The following LPIN1 variants were observed in gnomAD, a reference collection of about 807,000 sequenced individuals.
LPIN1 encodes the protein lipin 1.
A neutral mutation model predicts 107.5 loss-of-function variants in LPIN1; 71 were observed. The observed-to-expected ratio is 0.66, with a 90% CI of 0.55 to 0.80. The LOEUF is 0.80. Among genes scored for constraint, LPIN1 ranks in the 30% least tolerant of loss-of-function variants. The pLI is 0.00. For synonymous variants in LPIN1, 445 were observed against 452.6 expected, an observed-to-expected ratio of 0.98 and a Z score of 0.21; for missense variants, 1,043 against 1,160.6, an observed-to-expected ratio of 0.90 and a Z score of 1.47.
In LPIN1 at chr2:11,789,081, T is replaced by G. The variant is rs547676496; in HGVS notation, c.1713+625T>G. ...CTGGAGTTGTTAATTTTTTCAATGA[T>G]AGATCTTCCTGCTAGATTATACGTT... On this transcript the variant is annotated intron_variant, in intron 12 of 20. Coordinates refer to ENST00000674199, the MANE Select transcript of LPIN1 (RefSeq NM_001349206.2). 2.0e-5 allele frequency among the ~76,000 whole-genome samples: 3 copies of G among 152,386 alleles called. No homozygotes were observed. The South Asian group carries it at 6.2e-4, about 32-fold the overall frequency.
At chr2:11,802,845 G>T in intron 14 of LPIN1, 62 bp from the exon 15 acceptor site, 1 of 1,593,618 alleles carries the variant, frequency 6.3e-7, no homozygotes, top group Non-Finnish European at 8.6e-7. Flanking sequence ...AAAGGCTAAT[G>T]CATTTTTCAT....
At chr2:11,714,509 G>A (rs373843139) in intron 2 of LPIN1, among the ~76,000 whole-genome samples, 70 of 152,306 alleles carry the variant, frequency 4.6e-4, no homozygotes, top group African/African-American at 1.6e-3. Flanking sequence ...CCCACTCCCA[G>A]AGGTGGTCCC....
At position 11,729,606 on chromosome 2, in the gene LPIN1, T is replaced by G. The variant is rs576060818; in HGVS notation, c.-72+5067T>G. Among the ~76,000 whole-genome samples the G allele has an allele frequency of 3.6e-4, 55 of 152,360 alleles. 1 individual carries two copies. The highest frequency in any genetic ancestry group is 9.8e-4 in the Admixed American group (15 of 15,304). ...GTTATATCTTGTCCACAGCTGCTTT[T>G]GCACTATAATTAATGGCAGAGTAGA... On this transcript the variant is annotated intron_variant, in intron 1 of 21. Coordinates refer to the LPIN1 transcript ENST00000396097.
At chr2:11,756,471 C>T (rs1668706580) in intron 1 of LPIN1, among the ~76,000 whole-genome samples, 1 of 152,172 alleles carries the variant, frequency 6.6e-6, no homozygotes, top group African/African-American at 2.4e-5. Flanking sequence ...CCATTGCAAC[C>T]TCTGCCTCCT....
intron 1 of LPIN1, among the ~76,000 whole-genome samples, chr2:11,712,939 G>A (rs1263282728): frequency 6.6e-6 from 1 of 152,220 alleles, no homozygotes; most frequent in Non-Finnish European, 1.5e-5. Context: ...CCTGAATTGG[G>A]CTTTGCCCTT....
chr2:11,766,753 CA>C (rs769453105), intron 2 of LPIN1, among the ~76,000 whole-genome samples: 24 of 132,914 alleles, frequency 1.8e-4, no homozygotes, highest in Non-Finnish European at 2.8e-4. Context: ...GGGCTCTTAT[CA>C]GGCAAAAAAC....
chr2:11,743,407 A>T (rs1178438141), upstream of LPIN1, among the ~76,000 whole-genome samples: 1 of 152,134 alleles, frequency 6.6e-6, no homozygotes, highest in Non-Finnish European at 1.5e-5. This position sits in a 1 kb window ranked among gnomAD's most constrained non-coding sequence, Gnocchi z 4.7. Flanking sequence ...CTTCCCCATG[A>T]AACTTCCCTG....
intron 1 of LPIN1, among the ~76,000 whole-genome samples, chr2:11,762,430 G>C (rs1346542493): frequency 6.6e-6 from 1 of 151,892 alleles, no homozygotes; most frequent in Non-Finnish European, 1.5e-5. Context: ...CTGGAGGTTG[G>C]GGGTGGGGTG....
chr2:11,814,512 ATGTGTGTG>A lies in LPIN1; in HGVS notation c.2250-545_2250-538del, dbSNP rs71394769. Among the ~76,000 whole-genome samples, 735 of 138,526 alleles carry A rather than the reference ATGTGTGTG, an allele frequency of 5.3e-3. 1 individual carries two copies. Among genetic ancestry groups the A allele is most frequent in the African/African-American group, 0.018 (670 of 37,084 alleles). 90.9% of individuals were successfully genotyped at this position (138,526 alleles called of 152,430 possible). A position where few individuals can be genotyped will look rare whatever the true frequency, so the allele number is the denominator to read the frequency against. On this transcript the variant is annotated intron_variant, in intron 17 of 20. Coordinates refer to ENST00000674199, the MANE Select transcript of LPIN1 (RefSeq NM_001349206.2). ...ACTAAGGATGTTTTGGTGTGTGTGC[ATGTGTGTG>A]TGTGTGTGTGTGTGTGTGTGTGTGT...
intron 1 of LPIN1, among the ~76,000 whole-genome samples, chr2:11,709,666 T>C (rs1024153262): frequency 2.0e-5 from 3 of 152,358 alleles, no homozygotes; most frequent in African/African-American, 4.8e-5. Context: ...TAGTACCGTT[T>C]CTATATGAAA....
rs538381740 is a variant in LPIN1 at position 11,755,028 on chromosome 2, C to A, written c.-10+8357C>A. 2.0e-5 allele frequency among the ~76,000 whole-genome samples: 3 copies of A among 151,048 alleles called. No homozygotes were observed. The East Asian group carries it at 5.8e-4, about 29-fold the overall frequency. On this transcript the variant is annotated intron_variant, in intron 1 of 20. Coordinates refer to ENST00000674199, the MANE Select transcript of LPIN1 (RefSeq NM_001349206.2). ...TCACCCAGGCTGGAGTGCAGTGGCA[C>A]GATCTCGGCTCACTGCAAGCTCTGC...
rs1676570949 is a variant in LPIN1 at position 11,795,621 on chromosome 2, G to A, written c.1886+134G>A. 4.8e-6 allele frequency: 4 copies of A among 837,948 alleles called. No individual in the cohort carries two copies. The Admixed American group carries it at 5.8e-5, about 12-fold the overall frequency. The allele number at this position is 837,948 out of a possible 1,614,324, so 51.9% of individuals were successfully genotyped here. ...TCTGTGATTCACTTGGTGACCTGGAGCAATTTATTTAACTTGGTTCTCCCA... is the reference window on the plus strand; with the variant it reads ...TCTGTGATTCACTTGGTGACCTGGAACAATTTATTTAACTTGGTTCTCCCA... On this transcript the variant is annotated intron_variant, in intron 14 of 20. Coordinates refer to ENST00000674199, the MANE Select transcript of LPIN1 (RefSeq NM_001349206.2).
rs1310552805 is a variant in LPIN1 at position 11,697,664 on chromosome 2, G to C, written c.82-16092G>C. Among the ~76,000 whole-genome samples the C allele has an allele frequency of 6.6e-6, 1 of 152,228 alleles. No homozygotes were observed. The highest frequency in any genetic ancestry group is 1.9e-4 in the East Asian group (1 of 5,200). On this transcript the variant is annotated intron_variant, in intron 1 of 21. Transcript: ENST00000449576. This position sits in a 1 kb window ranked among gnomAD's most constrained non-coding sequence, Gnocchi z 4.6. ...ATTCATTGGCAGGGTGAGTGGAGAA[G>C]TGCTTGGTGGGCTGGTTTTGCAGCC...
intron 1 of LPIN1, among the ~76,000 whole-genome samples, chr2:11,735,375 T>C (rs539361695): frequency 6.6e-6 from 1 of 151,612 alleles, no homozygotes; most frequent in Non-Finnish European, 1.5e-5. Flanking sequence ...TCCTTTTAGG[T>C]GTATGTGGTT....
chr2:11,759,838 G>A (rs1371704842), intron 1 of LPIN1, among the ~76,000 whole-genome samples: 6 of 143,604 alleles, frequency 4.2e-5, no homozygotes, highest in South Asian at 2.3e-4. Flanking sequence ...CCTCCCGGAC[G>A]GGGCGGCTGG....
chr2:11,730,568 A>C (rs1193114326), intron 1 of LPIN1, among the ~76,000 whole-genome samples: 1 of 152,054 alleles, frequency 6.6e-6, no homozygotes, highest in Non-Finnish European at 1.5e-5. Flanking sequence ...TCACTTTATA[A>C]TTTTCTCTTG....
rs144852118 is a variant in LPIN1, at chr2:11,677,857, G to T, written c.81+129G>T. The T allele has an allele frequency of 7.8e-3, 5,933 of 757,330 alleles. 47 individuals carry two copies. The highest frequency in any genetic ancestry group is 0.011 in the Non-Finnish European group (5,051 of 457,830). 46.9% of individuals were successfully genotyped at this position (757,330 alleles called of 1,614,324 possible). On this transcript the variant is annotated intron_variant, in intron 1 of 21. Coordinates refer to the LPIN1 transcript ENST00000449576. ...AGAGCGCCTTGTTCGGGATGGGTTT[G>T]TGCATTCACGCTTCCCCAGATAGGT...
intron 1 of LPIN1, among the ~76,000 whole-genome samples, chr2:11,695,979 C>G (rs1162153702): frequency 6.6e-6 from 1 of 151,412 alleles, no homozygotes; most frequent in African/African-American, 2.4e-5. Flanking sequence ...TGGCCAGGCC[C>G]TTTCCCACTG....
chr2:11,761,570 G>T (rs1669837941), intron 1 of LPIN1, among the ~76,000 whole-genome samples: 2 of 152,050 alleles, frequency 1.3e-5, no homozygotes. Context: ...AGGGCTTCTT[G>T]CATTCTTTGT....
Sources: allele counts gnomAD v4.1 joint callset (sites outside exome capture counted in the v4.1 genomes callset), GRCh38; gene constraint gnomAD v4.1.1; non-coding constraint Gnocchi (gnomAD v3.1); transcripts MANE v1.5; gene names NCBI Gene and HGNC (gene_info 2026-07-23, HGNC 2026-07-21).